Variants in CRYZ observed in about 807,000 individuals in gnomAD.
CRYZ encodes the protein zeta-crystallin.
Under a neutral mutation model 34.1 loss-of-function variants are expected in CRYZ, and 35 were observed. That is an observed-to-expected ratio of 1.03 (90% CI 0.78 to 1.36). The LOEUF (loss-of-function observed/expected upper bound fraction) is 1.36. Among genes scored for constraint, CRYZ ranks in the 40% most tolerant of loss-of-function variants. The pLI is 0.00. For missense variants in CRYZ, 403 were observed against 391.8 expected (o/e 1.03, Z -0.24); for synonymous variants, 137 against 136.5 (o/e 1.00, Z -0.03).
intron 1 of CRYZ, among the ~76,000 whole-genome samples, chr1:74,731,460 T>A (rs1647731984): frequency 6.6e-6 from 1 of 152,220 alleles, no homozygotes; most frequent in Non-Finnish European, 1.5e-5. Context: ...CAATGACTCA[T>A]GTAAGCATAT....
intron 6 of CRYZ, chr1:74,708,696 A>G (rs1165197745): frequency 2.0e-5 from 3 of 152,166 alleles, no homozygotes; most frequent in Non-Finnish European, 4.4e-5. Flanking sequence ...AGCAATGTCT[A>G]GCGGGTTGAT....
At chr1:74,719,495 AAAT>A (rs1647126059) in intron 3 of CRYZ, 123 bp from the exon 4 acceptor site, 2 of 898,440 alleles carry the variant, frequency 2.2e-6, no homozygotes, top group African/African-American at 3.4e-5. Flanking sequence ...GGTCTCATAT[AAAT>A]AATTTTTTTT....
In CRYZ at chr1:74,705,764, A is replaced by T. The variant is rs900649693; in HGVS notation, c.*532T>A. ...AAGTAAATATTCTAATATTTGGGAAAATACTGAGAAAACTAATAAATTGTC... is the reference window on the plus strand; with the variant it reads ...AAGTAAATATTCTAATATTTGGGAATATACTGAGAAAACTAATAAATTGTC... On this transcript the variant is annotated 3_prime_UTR_variant, in exon 9 of 9. Transcript: ENST00000340866. 2.0e-5 allele frequency: 3 copies of T among 152,160 alleles called. No homozygotes were observed. The highest frequency in any genetic ancestry group is 7.2e-5 in the African/African-American group (3 of 41,458). 9.4% of individuals were successfully genotyped at this position (152,160 alleles called of 1,614,324 possible).
rs779930348 is a variant in CRYZ, at chr1:74,706,285, A to G, written c.*11T>C. On this transcript the variant is annotated 3_prime_UTR_variant, in exon 9 of 9. Transcript: ENST00000340866. ...TCTAATTACATAGGAAATCCATGAA[A>G]GAATTAATCATCATAAGAGAAGAAT... 2.9e-5 allele frequency: 46 copies of G among 1,586,962 alleles called. 2 individuals carry two copies. The South Asian group carries it at 4.8e-4, about 16-fold the overall frequency.
At chr1:74,713,383 T>TAA (rs1306481815) in intron 5 of CRYZ, among the ~76,000 whole-genome samples, 1 of 152,202 alleles carries the variant, frequency 6.6e-6, no homozygotes, top group African/African-American at 2.4e-5. Context: ...TGACAGACCC[T>TAA]TTAGTTACTT....
chr1:74,713,421 T>C (rs1244757087), intron 5 of CRYZ, among the ~76,000 whole-genome samples: 1 of 152,170 alleles, frequency 6.6e-6, no homozygotes, highest in Admixed American at 6.5e-5. Context: ...AACCCAAAAA[T>C]AGCCTCTTCA....
At chr1:74,729,929 C>G (rs1275659570) in intron 1 of CRYZ, among the ~76,000 whole-genome samples, 2 of 152,020 alleles carry the variant, frequency 1.3e-5, no homozygotes, top group Admixed American at 1.3e-4. Flanking sequence ...AATGCCCCAC[C>G]CTGCCCCTAG....
chr1:74,729,139 T>G (rs941122229), intron 1 of CRYZ, among the ~76,000 whole-genome samples: 15 of 151,918 alleles, frequency 9.9e-5, no homozygotes, highest in South Asian at 8.3e-4. Flanking sequence ...GTTTTGTTTT[T>G]TTTTTTTTCA....
At chr1:74,711,156 C>T (rs745436825) in intron 5 of CRYZ, among the ~76,000 whole-genome samples, 5 of 151,988 alleles carry the variant, frequency 3.3e-5, no homozygotes, top group African/African-American at 9.7e-5. Flanking sequence ...ACGAAAGGGT[C>T]GAAGATGAGG....
intron 4 of CRYZ, among the ~76,000 whole-genome samples, chr1:74,715,737 T>TAAAG (rs1418499712): frequency 6.6e-6 from 1 of 151,982 alleles, no homozygotes; most frequent in Non-Finnish European, 1.5e-5. Flanking sequence ...CCTCAAACAC[T>TAAAG]AAAGACACAT....
intron 1 of CRYZ, among the ~76,000 whole-genome samples, chr1:74,729,739 G>A (rs1345206853): frequency 1.3e-5 from 2 of 151,616 alleles, no homozygotes; most frequent in Admixed American, 1.3e-4. Flanking sequence ...TTAATATAAC[G>A]ATATTTACAG....
intron 6 of CRYZ, chr1:74,708,461 T>G (rs10890140): frequency 0.37 from 56,806 of 151,606 alleles, 12,730 homozygotes; most frequent in Non-Finnish European, 0.52. Flanking sequence ...GATAAAAGGG[T>G]GTATTAGCTC....
At chr1:74,714,271 A>T (rs1423914331) in intron 5 of CRYZ, among the ~76,000 whole-genome samples, 1 of 152,014 alleles carries the variant, frequency 6.6e-6, no homozygotes, top group Non-Finnish European at 1.5e-5. Context: ...ATTCTAAATA[A>T]ATATTTTTAT....
chr1:74,728,016 T>G (rs150557494), intron 1 of CRYZ, among the ~76,000 whole-genome samples: 5 of 152,352 alleles, frequency 3.3e-5, no homozygotes, highest in East Asian at 1.9e-4. Context: ...TTGTTTTGCA[T>G]GTTTTCAAAC....
chr1:74,720,651 A>G (rs537629788), intron 3 of CRYZ, among the ~76,000 whole-genome samples: 2 of 152,344 alleles, frequency 1.3e-5, no homozygotes, highest in South Asian at 4.1e-4. Flanking sequence ...TTCAAAAGCC[A>G]TCCAAGAGTC....
intron 4 of CRYZ, 66 bp from the exon 5 acceptor site, chr1:74,714,696 T>G: frequency 6.4e-7 from 1 of 1,556,716 alleles, no homozygotes; most frequent in Non-Finnish European, 8.8e-7. Flanking sequence ...GGTGTTTTCA[T>G]CATCTTAAGG....
intron 1 of CRYZ, among the ~76,000 whole-genome samples, chr1:74,726,207 C>T (rs1004707094): frequency 9.2e-5 from 14 of 152,236 alleles, no homozygotes; most frequent in South Asian, 8.3e-4. Flanking sequence ...GCCCACATTT[C>T]CCTTCTGCAC....
chr1:74,708,770 G>A (rs907165724), intron 6 of CRYZ: 4 of 152,152 alleles, frequency 2.6e-5, no homozygotes, highest in African/African-American at 9.7e-5. Flanking sequence ...TGGGTAGTAA[G>A]GGAGCCACAA....
At position 74,717,720 on chromosome 1, in the gene CRYZ, T is replaced by C. The variant is rs569720; in HGVS notation, c.428+1489A>G. Among the ~76,000 whole-genome samples the C allele has an allele frequency of 3.7e-3, 557 of 152,324 alleles. 4 individuals are homozygous for C. Among genetic ancestry groups the C allele is most frequent in the African/African-American group, 0.012 (517 of 41,578 alleles). On this transcript the variant is annotated intron_variant, in intron 4 of 8. Transcript: ENST00000340866. ...ACACAACTAGTACTATGTGAAGACA[T>C]TGACCCAGGCTGTTCTGTCTTCAAA... is the stretch of plus-strand genomic sequence containing the variant.
Sources: gnomAD v4.1 joint callset for allele counts (sites outside exome capture counted in the v4.1 genomes callset) on GRCh38, gnomAD v4.1.1 for gene constraint, MANE v1.5 for transcripts, NCBI Gene and HGNC (gene_info 2026-07-23, HGNC 2026-07-21) for gene names.